MARCHF1: variants seen among roughly 807,000 people sequenced by gnomAD.
MARCHF1 encodes the protein E3 ubiquitin-protein ligase MARCHF1.
In MARCHF1, 40 loss-of-function variants were observed where a neutral mutation model predicts 54.2. The observed-to-expected ratio is 0.74, with a 90% CI of 0.57 to 0.96. The LOEUF (loss-of-function observed/expected upper bound fraction) is 0.96. Ranked by LOEUF, MARCHF1 falls within the 40% of genes least tolerant of loss-of-function variation. MARCHF1 has a pLI of 0.00. For missense variants in MARCHF1, 586 were observed against 656.5 expected (o/e 0.89, Z 1.17); for synonymous variants, 236 against 236.3 (o/e 1.00, Z 0.01).
intron 4 of MARCHF1, among the ~76,000 whole-genome samples, chr4:163,850,969 A>G (rs1749624565): frequency 6.6e-6 from 1 of 152,168 alleles, no homozygotes; most frequent in South Asian, 2.1e-4. Flanking sequence ...ACATTGATGA[A>G]GGCATTGAAC....
intron 8 of MARCHF1, among the ~76,000 whole-genome samples, chr4:163,578,220 A>AT (rs992291287): frequency 2.6e-5 from 4 of 151,948 alleles, no homozygotes; most frequent in Non-Finnish European, 5.9e-5. Context: ...TAAAAAATGG[A>AT]TTTTCTCAGG....
chr4:164,116,741 T>A (rs1755946677), intron 1 of MARCHF1, among the ~76,000 whole-genome samples: 1 of 152,104 alleles, frequency 6.6e-6, no homozygotes, highest in African/African-American at 2.4e-5. Flanking sequence ...AACACTGTTG[T>A]AGAGAAAAAA....
chr4:163,751,002 A>G (rs1316193180), intron 4 of MARCHF1, among the ~76,000 whole-genome samples: 1 of 152,226 alleles, frequency 6.6e-6, no homozygotes, highest in African/African-American at 2.4e-5. Context: ...AAATAGAAAG[A>G]TAATAAAATT....
chr4:164,040,582 T>G (rs1754107749), intron 2 of MARCHF1, among the ~76,000 whole-genome samples: 1 of 151,560 alleles, frequency 6.6e-6, no homozygotes, highest in African/African-American at 2.4e-5. Context: ...TGGAAATGAA[T>G]GTGTGTTGAT....
At chr4:163,545,285 A>T (rs914634939) in intron 9 of MARCHF1, among the ~76,000 whole-genome samples, 3 of 152,218 alleles carry the variant, frequency 2.0e-5, no homozygotes, top group Non-Finnish European at 4.4e-5. Flanking sequence ...GCCTTTTCAC[A>T]TCAGGCAGAA....
chr4:164,288,239 T>G (rs1734199015), intron 1 of MARCHF1, among the ~76,000 whole-genome samples: 1 of 151,872 alleles, frequency 6.6e-6, no homozygotes. Context: ...AAGAAAAAAA[T>G]CTTACCGCAA....
chr4:163,741,212 G>C (rs1746185420), intron 4 of MARCHF1, among the ~76,000 whole-genome samples: 1 of 152,138 alleles, frequency 6.6e-6, no homozygotes, highest in Admixed American at 6.6e-5. Context: ...TTGGAACACT[G>C]TTCTGTTACC....
In MARCHF1 at chr4:163,612,564, C is replaced by A. The variant is rs1050002414; in HGVS notation, c.717G>T (p.Arg239Ser). The A allele has an allele frequency of 3.3e-6, 5 of 1,535,348 alleles. No homozygotes were observed. Among genetic ancestry groups the A allele is most frequent in the Non-Finnish European group, 4.4e-6 (5 of 1,146,548 alleles). ...TCAGAGAAGGGTTGCATTCTTGGTA[C>A]CTTGTATGTTTTCCTCTGTGGAGAT... ...SLNLHRGKHT[R>S]YQECNPSLTQ... Residue 239 changes from arginine to serine, a missense_variant, in exon 7 of 10, where the codon AGG becomes AGT. Coordinates refer to ENST00000514618, the MANE Select transcript of MARCHF1 (RefSeq NM_001394959.1).
intron 7 of MARCHF1, among the ~76,000 whole-genome samples, chr4:163,588,618 G>T (rs1374785060): frequency 6.6e-6 from 1 of 152,078 alleles, no homozygotes; most frequent in Non-Finnish European, 1.5e-5. Flanking sequence ...TCAACCGGGG[G>T]TCAGTAAACT....
chr4:163,884,652 C>A (rs1342525774), intron 3 of MARCHF1, among the ~76,000 whole-genome samples: 1 of 152,158 alleles, frequency 6.6e-6, no homozygotes, highest in Non-Finnish European at 1.5e-5. Context: ...CATCACAGAG[C>A]TGCTTACTTT....
intron 2 of MARCHF1, among the ~76,000 whole-genome samples, chr4:164,019,704 C>T (rs7687033): frequency 0.084 from 12,849 of 152,192 alleles, 663 homozygotes; most frequent in South Asian, 0.21. Flanking sequence ...GGAGAGTTTA[C>T]ACAAAGATAA....
At chr4:163,904,898 T>A (rs1444438922) in intron 3 of MARCHF1, among the ~76,000 whole-genome samples, 4 of 152,146 alleles carry the variant, frequency 2.6e-5, no homozygotes, top group Non-Finnish European at 5.9e-5. Context: ...TTACATTACA[T>A]CTGATTCTAA....
chr4:163,747,316 T>G (rs1240712046), intron 4 of MARCHF1, among the ~76,000 whole-genome samples: 4 of 152,204 alleles, frequency 2.6e-5, no homozygotes, highest in African/African-American at 9.7e-5. Flanking sequence ...TCCCAAGCTG[T>G]AGTGACCCGA....
chr4:164,241,417 G>A (rs1560969202), intron 1 of MARCHF1, among the ~76,000 whole-genome samples: 1 of 152,032 alleles, frequency 6.6e-6, no homozygotes, highest in Non-Finnish European at 1.5e-5. Flanking sequence ...ACACATAATT[G>A]TCCTGAGTTC....
In MARCHF1 at chr4:163,657,036, G is replaced by A. The variant is rs536994930; in HGVS notation, c.163-43643C>T. On this transcript the variant is annotated intron_variant, in intron 5 of 9. Transcript: ENST00000514618. ...TCTCTCACCACTTCTATTCAAAATA[G>A]TATTGGAAGTTCTAGCCAGGGCAAT... Among the ~76,000 whole-genome samples, 19 of 152,168 alleles carry A rather than the reference G, an allele frequency of 1.2e-4. No homozygotes were observed. In the East Asian group the frequency reaches 2.9e-3, roughly 23 times the overall value.
intron 4 of MARCHF1, among the ~76,000 whole-genome samples, chr4:163,734,495 A>C (rs1359415007): frequency 6.6e-6 from 1 of 152,074 alleles, no homozygotes; most frequent in Non-Finnish European, 1.5e-5. Flanking sequence ...GCTGACACAC[A>C]AAACAGCATC....
chr4:164,330,358 T>C (rs1297961222), intron 1 of MARCHF1, among the ~76,000 whole-genome samples: 1 of 152,016 alleles, frequency 6.6e-6, no homozygotes, highest in Non-Finnish European at 1.5e-5. Flanking sequence ...CAGGATGGAG[T>C]TAGGAAGAAA....
chr4:164,087,558 C>T (rs567419948), intron 2 of MARCHF1, among the ~76,000 whole-genome samples: 15 of 152,002 alleles, frequency 9.9e-5, no homozygotes, highest in East Asian at 3.9e-4. Context: ...AGGTTTTATC[C>T]GAGGATTAAA....
chr4:164,140,811 A>C (rs751695625), intron 1 of MARCHF1, among the ~76,000 whole-genome samples: 33 of 152,096 alleles, frequency 2.2e-4, no homozygotes, highest in Non-Finnish European at 4.3e-4. Flanking sequence ...AGAGTGACTC[A>C]TGCTACACCT....
Sources: allele counts gnomAD v4.1 joint callset (sites outside exome capture counted in the v4.1 genomes callset), GRCh38; gene constraint gnomAD v4.1.1; transcripts MANE v1.5; gene names NCBI Gene and HGNC (gene_info 2026-07-23, HGNC 2026-07-21).